The following PTPRD variants were observed in gnomAD, a reference collection of about 807,000 sequenced individuals.
PTPRD encodes receptor-type tyrosine-protein phosphatase delta.
A neutral mutation model predicts 214.5 loss-of-function variants in PTPRD; 34 were observed. The ratio of observed to expected loss-of-function variants is 0.16; its 90% CI spans 0.12 to 0.21. The LOEUF (loss-of-function observed/expected upper bound fraction) is 0.21. Among genes scored for constraint, PTPRD ranks in the 10% least tolerant of loss-of-function variants. The pLI, the probability that PTPRD is intolerant of heterozygous loss-of-function variation, is 1.00. For missense variants in PTPRD, 2,545 were observed against 2,398.7 expected, an observed-to-expected ratio of 1.06 and a Z score of -1.27; for synonymous variants, 1,128 against 845.7, an observed-to-expected ratio of 1.33 and a Z score of -5.79.
chr9:9,492,319 C>T (rs1364010737), intron 8 of PTPRD, among the ~76,000 whole-genome samples: 1 of 107,150 alleles, frequency 9.3e-6, no homozygotes, highest in East Asian at 2.9e-4. Context: ...AGTGAATTTA[C>T]TAAACATAAA....
chr9:10,537,058 T>C (rs1038607961), intron 2 of PTPRD, among the ~76,000 whole-genome samples: 2 of 152,158 alleles, frequency 1.3e-5, no homozygotes, highest in Middle Eastern at 3.2e-3. Context: ...AATAGCATTC[T>C]GTGGGATGAA....
intron 13 of PTPRD, among the ~76,000 whole-genome samples, chr9:8,635,099 T>C (rs1446361113): frequency 2.7e-5 from 4 of 148,134 alleles, no homozygotes; most frequent in Non-Finnish European, 5.9e-5. Flanking sequence ...ATATTAGTGT[T>C]AAATATAGTA....
At chr9:10,248,533 A>AAAAAAAAAAAAAAAAAAAAAAAAC (rs60272481) in intron 3 of PTPRD, among the ~76,000 whole-genome samples, 2 of 127,444 alleles carry the variant, frequency 1.6e-5, no homozygotes, top group Admixed American at 8.0e-5. Context: ...AAAATAAAAA[A>AAAAAAAAAAAAAAAAAAAAAAAAC]AATAAAGCGA....
chr9:10,540,253 C>G (rs1173183065), intron 2 of PTPRD, among the ~76,000 whole-genome samples: 16 of 152,164 alleles, frequency 1.1e-4, no homozygotes. Context: ...GTCTCAAACT[C>G]CTGACCTAAA....
intron 3 of PTPRD, among the ~76,000 whole-genome samples, chr9:10,329,777 C>T (rs1162584905): frequency 2.0e-5 from 3 of 151,812 alleles, no homozygotes; most frequent in African/African-American, 7.2e-5. Flanking sequence ...GTTCATGCTA[C>T]ATATGCCATT....
rs137996614 is a variant in PTPRD at position 10,184,829 on chromosome 9, G to A, written c.-544-151039C>T. ...TAAGAGAAGGCATGTAAAACCCTTGGTGTCCTGTTTGACATAGAGAAAACT... is the reference window on the plus strand; with the variant it reads ...TAAGAGAAGGCATGTAAAACCCTTGATGTCCTGTTTGACATAGAGAAAACT... On this transcript the variant is annotated intron_variant, in intron 3 of 45. Coordinates refer to ENST00000381196, the MANE Select transcript of PTPRD (RefSeq NM_002839.4). 5.4e-4 allele frequency among the ~76,000 whole-genome samples: 82 copies of A among 152,300 alleles called. 1 individual carries two copies. The East Asian group carries it at 0.015, about 27-fold the overall frequency.
Position 10,312,348 on chromosome 9 carries a change from T to A in PTPRD, c.-545+28615A>T, listed in dbSNP as rs1015105078. ...CTTAAAATATTGATTTTGTTTTTGA[T>A]AAAGTAAGCACATACACAATTAAAT... is the stretch of plus-strand genomic sequence containing the variant. On this transcript the variant is annotated intron_variant, in intron 3 of 45. Coordinates refer to ENST00000381196, the MANE Select transcript of PTPRD (RefSeq NM_002839.4). Among the ~76,000 whole-genome samples, 60 of 152,064 alleles carry A rather than the reference T, an allele frequency of 3.9e-4. 1 individual carries two copies. The highest frequency in any genetic ancestry group is 1.4e-3 in the African/African-American group (58 of 41,548).
intron 9 of PTPRD, among the ~76,000 whole-genome samples, chr9:9,247,038 TAA>T (rs1365568976): frequency 1.1e-5 from 1 of 92,668 alleles, no homozygotes; most frequent in Non-Finnish European, 2.2e-5. Context: ...TTTCCCAAGA[TAA>T]GTCATAGAAA....
chr9:8,469,319 T>C (rs1156669953), intron 31 of PTPRD, among the ~76,000 whole-genome samples: 1 of 152,098 alleles, frequency 6.6e-6, no homozygotes, highest in East Asian at 1.9e-4. Flanking sequence ...CGGCTTTACT[T>C]CTAAGGAAAG....
intron 10 of PTPRD, among the ~76,000 whole-genome samples, chr9:9,129,841 G>A (rs1419854610): frequency 2.0e-5 from 3 of 152,100 alleles, no homozygotes; most frequent in African/African-American, 4.8e-5. Flanking sequence ...AGGCATGACA[G>A]CATAGTATTG....
intron 39 of PTPRD, among the ~76,000 whole-genome samples, chr9:8,347,452 G>T (rs769059916): frequency 6.6e-6 from 1 of 152,128 alleles, no homozygotes; most frequent in African/African-American, 2.4e-5. Context: ...GGAGCTTACA[G>T]TTTAGTGGGG....
chr9:9,282,620 T>A (rs932939559), intron 9 of PTPRD, among the ~76,000 whole-genome samples: 4 of 151,402 alleles, frequency 2.6e-5, no homozygotes, highest in African/African-American at 9.7e-5. Context: ...TATTGATTAT[T>A]TTGTAACTAT....
intron 6 of PTPRD, among the ~76,000 whole-genome samples, chr9:9,760,088 A>T (rs1321548218): frequency 6.6e-6 from 1 of 152,124 alleles, no homozygotes; most frequent in Non-Finnish European, 1.5e-5. Flanking sequence ...AGTTTCTCAT[A>T]GTGTCTTGAG....
intron 9 of PTPRD, among the ~76,000 whole-genome samples, chr9:9,233,481 T>C (rs2133941691): frequency 6.6e-6 from 1 of 152,286 alleles, no homozygotes; most frequent in Admixed American, 6.5e-5. Flanking sequence ...TGTTCTTACA[T>C]TTCAAAACAC....
At chr9:8,351,320 T>C (rs557276934) in intron 39 of PTPRD, among the ~76,000 whole-genome samples, 23 of 152,224 alleles carry the variant, frequency 1.5e-4, no homozygotes, top group Admixed American at 3.9e-4. Flanking sequence ...TCTGAAAAGA[T>C]ACACAAATCA....
chr9:8,862,938 G>C (rs949036232), intron 11 of PTPRD, among the ~76,000 whole-genome samples: 2 of 152,124 alleles, frequency 1.3e-5, no homozygotes, highest in Non-Finnish European at 2.9e-5. Context: ...GGGGGGGAGG[G>C]AGAGCATCGG....
intron 9 of PTPRD, among the ~76,000 whole-genome samples, chr9:9,339,835 T>C (rs958317863): frequency 3.9e-5 from 6 of 152,178 alleles, no homozygotes; most frequent in African/African-American, 1.4e-4. Flanking sequence ...AAGCTTTTAG[T>C]AGCAAAGTGA....
chr9:9,610,505 A>G (rs1255164210), intron 7 of PTPRD, among the ~76,000 whole-genome samples: 2 of 152,180 alleles, frequency 1.3e-5, no homozygotes, highest in Non-Finnish European at 2.9e-5. Context: ...AATTGCAATT[A>G]ATTATATTTT....
chr9:9,494,882 C>T (rs2096096340), intron 8 of PTPRD, among the ~76,000 whole-genome samples: 1 of 152,142 alleles, frequency 6.6e-6, no homozygotes, highest in African/African-American at 2.4e-5. Context: ...AAGAAGAAAA[C>T]TGTAAGATTC....
Sources: allele counts gnomAD v4.1 joint callset (sites outside exome capture counted in the v4.1 genomes callset), GRCh38; gene constraint gnomAD v4.1.1; transcripts MANE v1.5; gene names NCBI Gene and HGNC (gene_info 2026-07-23, HGNC 2026-07-21).